ARPP21: variants seen among roughly 807,000 people sequenced by gnomAD.
ARPP21 encodes cAMP regulated phosphoprotein 21.
Under a neutral mutation model 113.2 loss-of-function variants are expected in ARPP21, and 69 were observed. The ratio of observed to expected loss-of-function variants is 0.61; its 90% confidence interval spans 0.50 to 0.74. The LOEUF (loss-of-function observed/expected upper bound fraction) is 0.74. Among genes scored for constraint, ARPP21 ranks in the 30% least tolerant of loss-of-function variants. The pLI, the probability that ARPP21 is intolerant of heterozygous loss-of-function variation, is 0.00. For synonymous variants in ARPP21, 368 were observed against 375.5 expected (o/e 0.98, Z 0.23); for missense variants, 1,070 against 1,037.4 (o/e 1.03, Z -0.43).
intron 19 of ARPP21, among the ~76,000 whole-genome samples, chr3:35,754,121 T>A (rs2095495922): frequency 6.6e-6 from 1 of 151,934 alleles, no homozygotes; most frequent in Admixed American, 6.6e-5. Context: ...ACCAATAAGA[T>A]GCATTAATTT....
intron 19 of ARPP21, among the ~76,000 whole-genome samples, chr3:35,779,581 AG>A (rs1313147772): frequency 8.6e-6 from 1 of 116,006 alleles, no homozygotes; most frequent in African/African-American, 4.6e-5. Flanking sequence ...AGGCTTAGTG[AG>A]GGTCAAAAAA....
chr3:35,687,619 A>C, intron 5 of ARPP21, 120 bp from the exon 6 acceptor site: 1 of 860,648 alleles, frequency 1.2e-6, no homozygotes, highest in Admixed American at 3.0e-5. Context: ...TTTACCATTT[A>C]GAAAAAAAAA....
rs946380900 is a variant in ARPP21, at chr3:35,640,342, T to C, written c.-269T>C. ...CAATAATATTAATAAAATCCAAAAC[T>C]AAATCAAACCAATCAAGGCACCAAG... On this transcript the variant is annotated 5_prime_UTR_variant, in exon 1 of 21. Transcript: ENST00000684406. 6.6e-6 allele frequency: 1 copy of C among 152,164 alleles called. No homozygotes were observed. Among genetic ancestry groups the C allele is most frequent in the Non-Finnish European group, 1.5e-5 (1 of 68,054 alleles). The allele number at this position is 152,164 out of a possible 1,614,324, so 9.4% of individuals were successfully genotyped here.
intron 1 of ARPP21, among the ~76,000 whole-genome samples, chr3:35,672,467 A>C (rs572202885): frequency 2.0e-4 from 30 of 152,208 alleles, no homozygotes; most frequent in African/African-American, 6.7e-4. Flanking sequence ...AGGTCTTTGC[A>C]TGATTAGATA....
At position 35,708,066 on chromosome 3, in the gene ARPP21, G is replaced by A. The variant is rs75704157; in HGVS notation, c.796-903G>A. Among the ~76,000 whole-genome samples, 1,102 of 151,946 alleles carry A rather than the reference G, an allele frequency of 7.3e-3. 11 individuals carry two copies. The highest frequency in any genetic ancestry group is 0.034 in the South Asian group (163 of 4,794). ...TTCAGCCAGTATGTGCATCTCTGACGCACTTTTTAAAAACTTGTTCATCAT... is the reference window on the plus strand; with the variant it reads ...TTCAGCCAGTATGTGCATCTCTGACACACTTTTTAAAAACTTGTTCATCAT... On this transcript the variant is annotated intron_variant, in intron 10 of 20. Transcript: ENST00000684406.
Position 35,690,109 on chromosome 3 carries a change from C to A in ARPP21, c.514C>A (p.Gln172Lys), listed in dbSNP as rs748940071. ...RDRMILLKME[Q>K]EIIDFIADNN... ...CAGGATGATACTTTTGAAAATGGAGCAGGAAATTATTGATTTCATTGCTGA... is the reference window on the plus strand; with the variant it reads ...CAGGATGATACTTTTGAAAATGGAGAAGGAAATTATTGATTTCATTGCTGA... Residue 172 changes from glutamine (Q) to lysine (K), a missense_variant, in exon 8 of 21, where the codon CAG becomes AAG. Gln to Lys is a moderately conservative substitution (Grantham distance 53). Transcript: ENST00000684406. 4.7e-6 allele frequency: 7 copies of A among 1,497,436 alleles called. No individual in the cohort carries two copies. In the South Asian group the frequency reaches 6.8e-5, roughly 15 times the overall value. The allele number at this position is 1,497,436 out of a possible 1,614,324, so 92.8% of individuals were successfully genotyped here.
intron 14 of ARPP21, among the ~76,000 whole-genome samples, chr3:35,728,332 C>A (rs1431488532): frequency 1.3e-4 from 19 of 149,476 alleles, no homozygotes; most frequent in Admixed American, 6.7e-5. Context: ...GATTCTCCTG[C>A]GTCAGCCTCC....
At chr3:35,793,217 T>C (rs907498954) in intron 20 of ARPP21, among the ~76,000 whole-genome samples, 3 of 152,224 alleles carry the variant, frequency 2.0e-5, no homozygotes, top group African/African-American at 7.2e-5. Context: ...ATAAGTGTTC[T>C]CTAAAGTTGC....
rs564527721 is a variant in ARPP21, at chr3:35,710,010, C to G, written c.897+940C>G. ...TGTCCTGAAAAGTTTCAGGCCAAAG[C>G]CAGTTTCTCTGATCTTCCAGCTGGT... On this transcript the variant is annotated intron_variant, in intron 11 of 20. Transcript: ENST00000684406. Among the ~76,000 whole-genome samples, 121 of 152,298 alleles carry G rather than the reference C, an allele frequency of 7.9e-4. 1 individual carries two copies. The highest frequency in any genetic ancestry group is 2.1e-3 in the African/African-American group (86 of 41,566).
intron 19 of ARPP21, among the ~76,000 whole-genome samples, chr3:35,761,429 A>T (rs1489883289): frequency 6.6e-6 from 1 of 152,088 alleles, no homozygotes; most frequent in Non-Finnish European, 1.5e-5. Context: ...TTCTTTATAC[A>T]GTAACCCCAC....
intron 2 of ARPP21, chr3:35,680,891 A>C (rs756656784): frequency 2.0e-5 from 3 of 151,878 alleles, no homozygotes; most frequent in African/African-American, 4.8e-5. Context: ...GCACATCAGA[A>C]GGGGAAGTGT....
At chr3:35,742,465 A>G (rs1311549595) in intron 18 of ARPP21, among the ~76,000 whole-genome samples, 1 of 152,224 alleles carries the variant, frequency 6.6e-6, no homozygotes, top group African/African-American at 2.4e-5. Flanking sequence ...AATCACTATA[A>G]GCAAGGTATA....
intron 1 of ARPP21, among the ~76,000 whole-genome samples, chr3:35,655,726 T>A (rs1318013457): frequency 6.6e-6 from 1 of 152,078 alleles, no homozygotes; most frequent in African/African-American, 2.4e-5. Context: ...TTTTCTTATG[T>A]CACCTCAAGG....
intron 1 of ARPP21, among the ~76,000 whole-genome samples, chr3:35,656,606 A>G (rs1045711909): frequency 3.3e-5 from 5 of 152,068 alleles, no homozygotes; most frequent in Non-Finnish European, 7.4e-5. Context: ...ACATGTCAAA[A>G]TGATAAAACT....
At chr3:35,774,741 T>TAGAGAAATTTTCTCTGGAGAAAGTTTC in intron 19 of ARPP21, 1 of 152,328 alleles carries the variant, frequency 6.6e-6, no homozygotes, top group South Asian at 2.1e-4. Flanking sequence ...AAAGTGGTTC[T>TAGAGAAATTTTCTCTGGAGAAAGTTTC]AGAGAAATTT....
intron 9 of ARPP21, among the ~76,000 whole-genome samples, chr3:35,699,085 T>G (rs1285369092): frequency 6.6e-6 from 1 of 151,296 alleles, no homozygotes; most frequent in Admixed American, 6.6e-5. Context: ...TGATCAAGAC[T>G]GTGTGTGTGT....
intron 16 of ARPP21, among the ~76,000 whole-genome samples, chr3:35,737,906 G>A (rs978231496): frequency 2.6e-5 from 4 of 152,200 alleles, no homozygotes; most frequent in African/African-American, 9.6e-5. Context: ...CTGCTAGAGT[G>A]AAACTCATTT....
At chr3:35,729,598 T>C (rs2093798249) in intron 15 of ARPP21, 62 bp downstream of exon 15, 1 of 1,403,710 alleles carries the variant, frequency 7.1e-7, no homozygotes, top group Non-Finnish European at 1.0e-6. Context: ...TTATGTTTGA[T>C]CTTATGAATT....
At chr3:35,783,237 C>T (rs2096562582) in intron 19 of ARPP21, among the ~76,000 whole-genome samples, 1 of 152,110 alleles carries the variant, frequency 6.6e-6, no homozygotes. Flanking sequence ...TTTAGAGCAA[C>T]TATGTCCTGA....
Sources: gnomAD v4.1 joint callset for allele counts (sites outside exome capture counted in the v4.1 genomes callset) on GRCh38, gnomAD v4.1.1 for gene constraint, MANE v1.5 for transcripts, NCBI Gene and HGNC (gene_info 2026-07-23, HGNC 2026-07-21) for gene names.